Variants in WWC2 observed in about 807,000 individuals in gnomAD.
WWC2 encodes the protein protein WWC2.
WWC2 carries 101 observed loss-of-function variants against 138.5 expected under a neutral mutation model. The observed-to-expected ratio is 0.73, with a 90% CI of 0.62 to 0.86. The LOEUF (loss-of-function observed/expected upper bound fraction) is 0.86, where lower values mean the gene tolerates loss of function less well. Ranked by LOEUF, WWC2 falls within the 40% of genes least tolerant of loss-of-function variation. The probability of loss-of-function intolerance (pLI) is 0.00; values close to 1 mark genes in which losing one functional copy is unlikely to be tolerated. For missense variants in WWC2, 1,420 were observed against 1,419.4 expected, an observed-to-expected ratio of 1.00 and a Z score of -0.01; for synonymous variants, 558 against 538.4, an observed-to-expected ratio of 1.04 and a Z score of -0.50.
intron 1 of WWC2, among the ~76,000 whole-genome samples, chr4:183,124,595 C>CTT (rs1171031924): frequency 1.0e-5 from 1 of 97,098 alleles, no homozygotes; most frequent in Non-Finnish European, 2.1e-5. Context: ...GCTTGCAGAT[C>CTT]TTTTTTTTTT....
intron 2 of WWC2, among the ~76,000 whole-genome samples, chr4:183,200,584 A>G (rs1735269245): frequency 6.6e-6 from 1 of 152,158 alleles, no homozygotes; most frequent in South Asian, 2.1e-4. Context: ...TTTGCAATCA[A>G]GGTGTCAGCC....
At chr4:183,113,503 TGTGTGTGTGTGTGCGCGCGC>T (rs1732308100) in intron 1 of WWC2, among the ~76,000 whole-genome samples, 1 of 149,448 alleles carries the variant, frequency 6.7e-6, no homozygotes, top group South Asian at 2.2e-4. Flanking sequence ...TGTGTGTGTG[TGTGTGTGTGTGTGCGCGCGC>T]GTGCGCGCGC....
At chr4:183,182,219 G>A (rs1179372118) in intron 1 of WWC2, among the ~76,000 whole-genome samples, 3 of 152,034 alleles carry the variant, frequency 2.0e-5, no homozygotes, top group African/African-American at 7.3e-5. Flanking sequence ...GGAAGTTGTG[G>A]CCCTTCAGAA....
rs930138240 is a variant in WWC2, at chr4:183,271,905, C to T, written c.2562+664C>T. Among the ~76,000 whole-genome samples the T allele has an allele frequency of 2.6e-5, 4 of 152,230 alleles. No homozygotes were observed. In the South Asian group the frequency reaches 8.3e-4, roughly 32 times the overall value. ...CCTGAAGTCCTTGCTCCTGGGGAGA[C>T]TGAGGTGGGTGGATCGATTGACCCT... On this transcript the variant is annotated intron_variant, in intron 16 of 22. Coordinates refer to ENST00000403733, the MANE Select transcript of WWC2 (RefSeq NM_024949.6).
intron 1 of WWC2, among the ~76,000 whole-genome samples, chr4:183,164,283 TATATATATATATATATACATATA>T (rs1734045911): frequency 7.5e-6 from 1 of 134,060 alleles, no homozygotes; most frequent in Non-Finnish European, 1.5e-5. Flanking sequence ...TATATATATA[TATATATATATATATATACATATA>T]TATATTATAT....
chr4:183,156,152 G>A (rs1328439609), intron 1 of WWC2, among the ~76,000 whole-genome samples: 1 of 151,214 alleles, frequency 6.6e-6, no homozygotes, highest in African/African-American at 2.4e-5. Context: ...TCAGCCTCTT[G>A]AGTAGCTCGG....
intron 4 of WWC2, among the ~76,000 whole-genome samples, chr4:183,218,517 C>T (rs777644347): frequency 4.6e-5 from 7 of 152,076 alleles, no homozygotes; most frequent in Non-Finnish European, 8.8e-5. Flanking sequence ...TGATACATAT[C>T]TTCTAATCTA....
chr4:183,243,622 T>C (rs1166543922), intron 5 of WWC2, among the ~76,000 whole-genome samples: 1 of 152,108 alleles, frequency 6.6e-6, no homozygotes, highest in African/African-American at 2.4e-5. Flanking sequence ...GTTCCCCTAC[T>C]AGCTAAGTGT....
At chr4:183,127,135 G>T (rs1465517483) in intron 1 of WWC2, among the ~76,000 whole-genome samples, 1 of 152,116 alleles carries the variant, frequency 6.6e-6, no homozygotes, top group African/African-American at 2.4e-5. Flanking sequence ...AGAAGAGTTT[G>T]ACCTTGAGCA....
chr4:183,102,868 C>CTT (rs779381709), intron 1 of WWC2, among the ~76,000 whole-genome samples: 11 of 118,794 alleles, frequency 9.3e-5, no homozygotes, highest in South Asian at 5.4e-4. Context: ...TGGCCTGGTG[C>CTT]TTTTTTTTTT....
At chr4:183,312,275 A>T in intron 21 of WWC2, 66 bp from the exon 22 acceptor site, 3 of 1,585,730 alleles carry the variant, frequency 1.9e-6, no homozygotes, top group Non-Finnish European at 2.6e-6. Flanking sequence ...GAAGCTTCAT[A>T]GGATGTCTCC....
chr4:183,276,267 C>A (rs1289273772), intron 16 of WWC2, among the ~76,000 whole-genome samples: 1 of 151,990 alleles, frequency 6.6e-6, no homozygotes, highest in Non-Finnish European at 1.5e-5. Flanking sequence ...ATTATCCAGT[C>A]TTAAAATCTT....
chr4:183,103,622 C>CTGGACTTG (rs1743253173), intron 1 of WWC2, among the ~76,000 whole-genome samples: 1 of 150,566 alleles, frequency 6.6e-6, no homozygotes, highest in Non-Finnish European at 1.5e-5. Context: ...ACCACCGCAC[C>CTGGACTTG]TGGACTTGTG....
At chr4:183,137,326 A>G (rs898358501) in intron 1 of WWC2, among the ~76,000 whole-genome samples, 39 of 152,282 alleles carry the variant, frequency 2.6e-4, no homozygotes, top group African/African-American at 9.4e-4. Flanking sequence ...CTGTTCAAAA[A>G]TATCTTTTCT....
chr4:183,262,871 T>C (rs1453998090), intron 11 of WWC2, among the ~76,000 whole-genome samples: 2 of 152,192 alleles, frequency 1.3e-5, no homozygotes, highest in African/African-American at 4.8e-5. Flanking sequence ...CACCAACGTG[T>C]TTGGGTAAGC....
intron 4 of WWC2, among the ~76,000 whole-genome samples, chr4:183,222,525 T>G (rs1291278867): frequency 1.3e-5 from 2 of 152,034 alleles, no homozygotes; most frequent in East Asian, 3.8e-4. Flanking sequence ...TATAAACAAA[T>G]TTTAATAAAT....
chr4:183,140,039 T>C (rs1733251738), intron 1 of WWC2, among the ~76,000 whole-genome samples: 1 of 152,234 alleles, frequency 6.6e-6, no homozygotes, highest in African/African-American at 2.4e-5. Context: ...CTCGAACTCC[T>C]GACCTCAGGT....
chr4:183,102,917 G>A (rs1475365529), intron 1 of WWC2, among the ~76,000 whole-genome samples: 1 of 151,414 alleles, frequency 6.6e-6, no homozygotes, highest in Non-Finnish European at 1.5e-5. Context: ...AAAAAGGTGG[G>A]ATGGATTGGC....
chr4:183,257,641 G>A (rs1484970132), intron 9 of WWC2, among the ~76,000 whole-genome samples: 4 of 152,108 alleles, frequency 2.6e-5, no homozygotes, highest in Admixed American at 1.3e-4. Flanking sequence ...TGGGGAAGTT[G>A]GGGAGAGCAT....
Sources: gnomAD v4.1 joint callset for allele counts (sites outside exome capture counted in the v4.1 genomes callset) on GRCh38, gnomAD v4.1.1 for gene constraint, MANE v1.5 for transcripts, NCBI Gene and HGNC (gene_info 2026-07-23, HGNC 2026-07-21) for gene names.